SUGCT: variants seen among roughly 807,000 people sequenced by gnomAD.
SUGCT encodes succinyl-CoA:glutarate-CoA transferase.
A neutral mutation model predicts 55.0 loss-of-function variants in SUGCT; 41 were observed. The observed-to-expected ratio is 0.74, with a 90% CI of 0.58 to 0.97. The LOEUF (loss-of-function observed/expected upper bound fraction) is 0.97, where lower values mean the gene tolerates loss of function less well. Among genes scored for constraint, SUGCT ranks in the 50% least tolerant of loss-of-function variants. SUGCT has a pLI of 0.00. For synonymous variants in SUGCT, 187 were observed against 200.4 expected, an observed-to-expected ratio of 0.93 and a Z score of 0.56; for missense variants, 568 against 547.8, an observed-to-expected ratio of 1.04 and a Z score of -0.37.
chr7:40,394,230 T>G (rs1426047282), intron 9 of SUGCT, among the ~76,000 whole-genome samples: 2 of 152,114 alleles, frequency 1.3e-5, no homozygotes. Flanking sequence ...TCATCAATAT[T>G]TTTAAAATCT....
chr7:40,933,161 T>C, the SUGCT span, among the ~76,000 whole-genome samples: 1 of 152,192 alleles, frequency 6.6e-6, no homozygotes, highest in Admixed American at 6.5e-5. Context: ...TTTGCTTGTC[T>C]GTAAAGGATT....
intron 12 of SUGCT, among the ~76,000 whole-genome samples, chr7:40,523,636 AGG>A (rs1426925934): frequency 2.0e-5 from 3 of 152,058 alleles, no homozygotes; most frequent in Non-Finnish European, 4.4e-5. Context: ...GTTCTAGGGG[AGG>A]ATCTACTTCT....
chr7:40,442,714 T>G (rs1380608707), intron 9 of SUGCT, among the ~76,000 whole-genome samples: 1 of 152,098 alleles, frequency 6.6e-6, no homozygotes, highest in African/African-American at 2.4e-5. Context: ...CCCAAATTCT[T>G]ATAAAAAGCT....
At chr7:40,381,033 C>A (rs547537627) in intron 9 of SUGCT, among the ~76,000 whole-genome samples, 2 of 152,204 alleles carry the variant, frequency 1.3e-5, no homozygotes, top group East Asian at 3.9e-4. Context: ...ATAATACCAT[C>A]ATTTGTCATA....
At chr7:40,676,433 T>C (rs1783980421) in intron 12 of SUGCT, among the ~76,000 whole-genome samples, 1 of 152,028 alleles carries the variant, frequency 6.6e-6, no homozygotes, top group South Asian at 2.1e-4. Context: ...TCCTGCATAA[T>C]GTTTACTTGG....
At chr7:40,616,929 A>T (rs1799032894) in intron 12 of SUGCT, among the ~76,000 whole-genome samples, 1 of 152,208 alleles carries the variant, frequency 6.6e-6, no homozygotes, top group Admixed American at 6.5e-5. Flanking sequence ...TGTAAAACCC[A>T]GGTATCCAAT....
rs570625443 is a variant in SUGCT, at chr7:40,284,245, G to C, written c.720+9589G>C. Among the ~76,000 whole-genome samples, 12 of 152,186 alleles carry C rather than the reference G, an allele frequency of 7.9e-5. 1 individual carries two copies. The South Asian group carries it at 2.1e-3, about 26-fold the overall frequency. On this transcript the variant is annotated intron_variant, in intron 8 of 13. Coordinates refer to ENST00000335693, the MANE Select transcript of SUGCT (RefSeq NM_001193313.2). ...TCTATTGTACAGCAAGGTGACTAGA[G>C]TTAATGTGTACTTTAAATTTCGTAA...
At chr7:40,308,750 C>A (rs1001705653) in intron 8 of SUGCT, among the ~76,000 whole-genome samples, 7 of 152,134 alleles carry the variant, frequency 4.6e-5, no homozygotes, top group Non-Finnish European at 1.0e-4. Context: ...GTGACTCATG[C>A]CTGTAATTCT....
intron 13 of SUGCT, among the ~76,000 whole-genome samples, chr7:40,812,705 TG>T (rs1311364861): frequency 6.6e-6 from 1 of 152,146 alleles, no homozygotes; most frequent in Admixed American, 6.5e-5. Context: ...GTTTGGATTT[TG>T]GGGTCTCAGT....
chr7:40,520,678 A>AT (rs1293772578), intron 12 of SUGCT, among the ~76,000 whole-genome samples: 1 of 152,056 alleles, frequency 6.6e-6, no homozygotes, highest in Non-Finnish European at 1.5e-5. Flanking sequence ...GAGGTGAGAG[A>AT]TTTGCCACTC....
At chr7:40,831,186 G>A (rs771105526) in intron 13 of SUGCT, among the ~76,000 whole-genome samples, 24 of 152,110 alleles carry the variant, frequency 1.6e-4, no homozygotes, top group Admixed American at 3.9e-4. Flanking sequence ...TTAGATTCCC[G>A]TAAAAAGCCT....
chr7:40,595,548 AAG>A (rs963132637), intron 12 of SUGCT, among the ~76,000 whole-genome samples: 1 of 152,142 alleles, frequency 6.6e-6, no homozygotes, highest in Non-Finnish European at 1.5e-5. Flanking sequence ...GGCATGGAAA[AAG>A]AGAAGCTTTC....
chr7:41,007,350 C>G, the SUGCT span, among the ~76,000 whole-genome samples: 1 of 152,092 alleles, frequency 6.6e-6, no homozygotes, highest in Non-Finnish European at 1.5e-5. Flanking sequence ...CATTTTACAA[C>G]AAGTCGAGGC....
intron 12 of SUGCT, among the ~76,000 whole-genome samples, chr7:40,570,211 T>C (rs1385225913): frequency 6.6e-6 from 1 of 152,258 alleles, no homozygotes; most frequent in Admixed American, 6.5e-5. Flanking sequence ...TCTCTTTGCT[T>C]GTTAGTGAGA....
At chr7:40,665,468 TAAA>T (rs1801574773) in intron 12 of SUGCT, among the ~76,000 whole-genome samples, 1 of 149,846 alleles carries the variant, frequency 6.7e-6, no homozygotes, top group Non-Finnish European at 1.5e-5. Flanking sequence ...AATAAATAAA[TAAA>T]TAAATAAAGT....
intron 12 of SUGCT, among the ~76,000 whole-genome samples, chr7:40,739,726 T>C (rs1482398021): frequency 6.6e-6 from 1 of 152,196 alleles, no homozygotes; most frequent in African/African-American, 2.4e-5. Context: ...TTTGTGTGGA[T>C]CTATTTCTGA....
intron 11 of SUGCT, among the ~76,000 whole-genome samples, chr7:40,477,452 T>C (rs1790763602): frequency 6.6e-6 from 1 of 152,146 alleles, no homozygotes; most frequent in African/African-American, 2.4e-5. Flanking sequence ...GCGGGTTGGA[T>C]TACCTCTCTT....
chr7:40,722,321 G>A (rs868532777), intron 12 of SUGCT, among the ~76,000 whole-genome samples: 9 of 152,124 alleles, frequency 5.9e-5, no homozygotes, highest in Admixed American at 4.6e-4. Context: ...TATAATGTAG[G>A]GGAGTCTCTT....
chr7:40,848,664 G>A (rs1010048230), intron 13 of SUGCT, among the ~76,000 whole-genome samples: 1 of 152,130 alleles, frequency 6.6e-6, no homozygotes, highest in African/African-American at 2.4e-5. Context: ...GATATATGGC[G>A]TTTCTGAACT....
Sources: allele counts gnomAD v4.1 joint callset (sites outside exome capture counted in the v4.1 genomes callset), GRCh38; gene constraint gnomAD v4.1.1; transcripts MANE v1.5; gene names NCBI Gene and HGNC (gene_info 2026-07-23, HGNC 2026-07-21).